The following RSRC1 variants were observed in gnomAD, a reference collection of about 807,000 sequenced individuals.
RSRC1 encodes serine/Arginine-related protein 53.
In RSRC1, 39 loss-of-function variants were observed where a neutral mutation model predicts 49.1. The observed-to-expected ratio is 0.79, with a 90% CI of 0.61 to 1.04. The LOEUF is 1.04. RSRC1 is among the 50% of genes least tolerant of loss of function. The pLI is 0.00. For missense variants in RSRC1, 388 were observed against 402.4 expected (o/e 0.96, Z 0.31); for synonymous variants, 143 against 130.8 (o/e 1.09, Z -0.63).
chr3:158,453,301 C>T (rs929383888), intron 6 of RSRC1, among the ~76,000 whole-genome samples: 1 of 151,526 alleles, frequency 6.6e-6, no homozygotes, highest in Non-Finnish European at 1.5e-5. Context: ...AGAATAGGCT[C>T]CTACAAGTGG....
chr3:158,534,691 C>T (rs991905060), intron 7 of RSRC1, among the ~76,000 whole-genome samples: 2 of 151,496 alleles, frequency 1.3e-5, no homozygotes, highest in Admixed American at 1.3e-4. Context: ...AAGCAGAAGA[C>T]TAGAAACAAC....
chr3:158,264,446 A>G (rs1350339347), intron 4 of RSRC1, among the ~76,000 whole-genome samples: 1 of 152,120 alleles, frequency 6.6e-6, no homozygotes, highest in African/African-American at 2.4e-5. Context: ...GAATAGCTCT[A>G]TTTTGATGAA....
At chr3:158,501,714 C>T (rs1179681350) in intron 7 of RSRC1, among the ~76,000 whole-genome samples, 1 of 152,052 alleles carries the variant, frequency 6.6e-6, no homozygotes, top group Non-Finnish European at 1.5e-5. Context: ...GCCTTTTCTG[C>T]CCCTTTACTT....
intron 5 of RSRC1, among the ~76,000 whole-genome samples, chr3:158,306,883 ATT>A (rs1192457828): frequency 7.2e-5 from 11 of 152,000 alleles, no homozygotes; most frequent in African/African-American, 2.6e-4. Context: ...TTTTGACTAA[ATT>A]ATTCAGCATC....
chr3:158,257,979 A>G (rs1046183274), intron 4 of RSRC1, among the ~76,000 whole-genome samples: 6 of 151,996 alleles, frequency 3.9e-5, no homozygotes, highest in African/African-American at 1.2e-4. Flanking sequence ...TCCTGTCTCT[A>G]TTGATAGCTT....
chr3:158,242,196 T>G (rs1723635073), intron 4 of RSRC1, among the ~76,000 whole-genome samples: 1 of 152,068 alleles, frequency 6.6e-6, no homozygotes, highest in African/African-American at 2.4e-5. Context: ...ATGCTGTTTC[T>G]CCTGCCACCT....
chr3:158,342,644 CTT>C (rs923248448), intron 5 of RSRC1, among the ~76,000 whole-genome samples: 11 of 152,170 alleles, frequency 7.2e-5, no homozygotes, highest in African/African-American at 2.7e-4. Flanking sequence ...GGCTATATGA[CTT>C]TCAGCAAGTT....
Position 158,330,391 on chromosome 3 carries a change from C to T in RSRC1, c.532-24466C>T, listed in dbSNP as rs921208890. ...AATGTTCTATGAACAGATTTTTGTA[C>T]GTATCTTAAATAATTGCATTAGGCT... On this transcript the variant is annotated intron_variant, in intron 5 of 9. Transcript: ENST00000611884. Among the ~76,000 whole-genome samples, 8 of 152,106 alleles carry T rather than the reference C, an allele frequency of 5.3e-5. 1 individual carries two copies. Among genetic ancestry groups the T allele is most frequent in the African/African-American group, 1.2e-4 (5 of 41,428 alleles).
intron 6 of RSRC1, among the ~76,000 whole-genome samples, chr3:158,372,644 A>G (rs1319348029): frequency 1.3e-5 from 2 of 151,880 alleles, no homozygotes; most frequent in African/African-American, 2.4e-5. Flanking sequence ...CCATTTCGAT[A>G]TACATTTCAG....
At chr3:158,137,048 A>G (rs1027827323) in intron 3 of RSRC1, 7 of 152,312 alleles carry the variant, frequency 4.6e-5, no homozygotes, top group African/African-American at 1.7e-4. Flanking sequence ...AGCCCAGACC[A>G]TGAGTCTAAC....
chr3:158,373,487 A>G (rs949965140), intron 6 of RSRC1, among the ~76,000 whole-genome samples: 14 of 152,014 alleles, frequency 9.2e-5, no homozygotes, highest in African/African-American at 2.4e-4. Flanking sequence ...ATAGATGATT[A>G]TATGTATTTT....
intron 3 of RSRC1, among the ~76,000 whole-genome samples, chr3:158,165,765 C>T (rs892941489): frequency 1.3e-5 from 2 of 152,194 alleles, no homozygotes; most frequent in African/African-American, 2.4e-5. Flanking sequence ...CATATTTGCT[C>T]CACTGGAAAC....
intron 3 of RSRC1, among the ~76,000 whole-genome samples, chr3:158,190,255 G>T (rs570490598): frequency 6.6e-6 from 1 of 151,998 alleles, no homozygotes; most frequent in African/African-American, 2.4e-5. Context: ...CCCCATGGTG[G>T]ACCCTTTCTA....
chr3:158,373,695 T>C (rs1732204131), intron 6 of RSRC1, among the ~76,000 whole-genome samples: 2 of 151,998 alleles, frequency 1.3e-5, no homozygotes, highest in South Asian at 4.1e-4. Flanking sequence ...ATTAGAACCA[T>C]TTCTATACAT....
intron 7 of RSRC1, among the ~76,000 whole-genome samples, chr3:158,534,012 A>G (rs558715843): frequency 2.0e-5 from 3 of 151,756 alleles, no homozygotes; most frequent in South Asian, 2.1e-4. Context: ...TTACTCTTAC[A>G]TGGCACTCTG....
intron 7 of RSRC1, 145 bp downstream of exon 7, chr3:158,461,148 A>T: frequency 2.1e-6 from 1 of 480,446 alleles, no homozygotes; most frequent in Non-Finnish European, 3.8e-6. Flanking sequence ...CACTATATTC[A>T]TTGTCTTGGA....
chr3:158,157,856 G>C (rs1264545705), intron 3 of RSRC1, among the ~76,000 whole-genome samples: 2 of 151,934 alleles, frequency 1.3e-5, no homozygotes, highest in Non-Finnish European at 2.9e-5. Flanking sequence ...TGGAGGTTGT[G>C]ATGATCTGAG....
intron 4 of RSRC1, among the ~76,000 whole-genome samples, chr3:158,206,051 A>C (rs1177982528): frequency 6.6e-6 from 1 of 152,196 alleles, no homozygotes. Context: ...TATTTCAGTA[A>C]AACTATTTAT....
chr3:158,419,517 A>G lies in RSRC1; in HGVS notation c.584-41418A>G, dbSNP rs116395452. On this transcript the variant is annotated intron_variant, in intron 6 of 9. Transcript: ENST00000611884. ...TTGTAATGTTGATCCAAGTTGAATA[A>G]TCTAAGCAGAACACTTAACCTAATG... Among the ~76,000 whole-genome samples, 1,205 of 152,128 alleles carry G rather than the reference A, an allele frequency of 7.9e-3. 21 individuals are homozygous for G. Among genetic ancestry groups the G allele is most frequent in the African/African-American group, 0.027 (1,135 of 41,556 alleles).
Sources: gnomAD v4.1 joint callset for allele counts (sites outside exome capture counted in the v4.1 genomes callset) on GRCh38, gnomAD v4.1.1 for gene constraint, MANE v1.5 for transcripts, NCBI Gene and HGNC (gene_info 2026-07-23, HGNC 2026-07-21) for gene names.